Variants in LRIG3 observed in about 807,000 individuals in gnomAD.
LRIG3 encodes the protein leucine rich repeats and immunoglobulin like domains 3, also known as leucine-rich repeats and immunoglobulin-like domains protein 3.
Under a neutral mutation model 114.5 loss-of-function variants are expected in LRIG3, and 76 were observed. That is an observed-to-expected ratio of 0.66 (90% confidence interval 0.55 to 0.80). The LOEUF (loss-of-function observed/expected upper bound fraction) is 0.80. Among genes scored for constraint, LRIG3 ranks in the 30% least tolerant of loss-of-function variants. The pLI is 0.00. For missense variants in LRIG3, 1,239 were observed against 1,382.8 expected (o/e 0.90, Z 1.65); for synonymous variants, 512 against 519.8 (o/e 0.98, Z 0.20).
chr12:58,885,980 T>C lies in LRIG3; in HGVS notation c.1173-78A>G. ...GGAACTCTCATAAACAGAACTGCTTTTTAAATTATGTGTGAGCAATTCCAT... is the reference window on the plus strand; with the variant it reads ...GGAACTCTCATAAACAGAACTGCTTCTTAAATTATGTGTGAGCAATTCCAT... On this transcript the variant is annotated intron_variant, in intron 9 of 18. Transcript: ENST00000320743. The C allele has an allele frequency of 4.9e-6, 4 of 817,144 alleles. No individual in the cohort carries two copies. In the South Asian group the frequency reaches 6.7e-5, roughly 14 times the overall value. The allele number at this position is 817,144 out of a possible 1,614,324, so 50.6% of individuals were successfully genotyped here.
At chr12:58,914,413 T>TC in intron 1 of LRIG3, 77 bp from the exon 2 acceptor site, 2 of 1,089,934 alleles carry the variant, frequency 1.8e-6, no homozygotes, top group Non-Finnish European at 2.8e-6. Flanking sequence ...ATGAAGTATC[T>TC]CTATGAACAC....
chr12:58,887,640 T>C (rs1054589767), intron 8 of LRIG3, 149 bp downstream of exon 8: 33 of 787,112 alleles, frequency 4.2e-5, no homozygotes, highest in African/African-American at 1.5e-4. Context: ...AATGGATCCA[T>C]TGTAATCAAA....
chr12:58,902,923 T>C (rs1242895044), intron 3 of LRIG3, among the ~76,000 whole-genome samples: 1 of 152,182 alleles, frequency 6.6e-6, no homozygotes, highest in East Asian at 1.9e-4. Flanking sequence ...GGCTGCATAG[T>C]ATTCCATGGT....
At chr12:58,906,941 T>G (rs1202804889) in intron 3 of LRIG3, among the ~76,000 whole-genome samples, 2 of 151,334 alleles carry the variant, frequency 1.3e-5, no homozygotes, top group Admixed American at 6.6e-5. Context: ...AGTCATTTTA[T>G]TCCCCTGCTT....
At chr12:58,881,048 G>A in intron 12 of LRIG3, 147 bp from the exon 13 acceptor site, 1 of 688,086 alleles carries the variant, frequency 1.5e-6, no homozygotes, top group Admixed American at 2.8e-5. Flanking sequence ...CCGTCCCCAT[G>A]TTGAAATGAT....
chr12:58,914,199 C>T lies in LRIG3; in HGVS notation c.308+66G>A, dbSNP rs138566182. On this transcript the variant is annotated intron_variant, in intron 2 of 18. Coordinates refer to ENST00000320743, the MANE Select transcript of LRIG3 (RefSeq NM_153377.5). ...CTCACTATAATCCAAGTATTCCTTA[C>T]GGTTAAATAGTATAAGGGGTAACGT... 28 of 1,524,586 alleles carry T rather than the reference C, an allele frequency of 1.8e-5. No homozygotes were observed. The East Asian group carries it at 2.3e-4, about 12-fold the overall frequency. The allele number at this position is 1,524,586 out of a possible 1,614,324, so 94.4% of individuals were successfully genotyped here.
rs1208873082 is a variant in LRIG3, at chr12:58,879,242, T to C, written c.1802-137A>G. 5 of 1,038,006 alleles carry C rather than the reference T, an allele frequency of 4.8e-6. No individual in the cohort carries two copies. The Admixed American group carries it at 8.9e-5, about 19-fold the overall frequency. 64.3% of individuals were successfully genotyped at this position (1,038,006 alleles called of 1,614,324 possible). A position where few individuals can be genotyped will look rare whatever the true frequency, so the allele number is the denominator to read the frequency against. On this transcript the variant is annotated intron_variant, in intron 13 of 18. Coordinates refer to ENST00000320743, the MANE Select transcript of LRIG3 (RefSeq NM_153377.5). ...TAGATTGGGCAGGGGTTAATTCCAATTTCAAGTCAAGGAAACTAAAGTTGA... is the reference window on the plus strand; with the variant it reads ...TAGATTGGGCAGGGGTTAATTCCAACTTCAAGTCAAGGAAACTAAAGTTGA...
intron 3 of LRIG3, among the ~76,000 whole-genome samples, chr12:58,908,438 C>T (rs1872150798): frequency 6.6e-6 from 1 of 152,028 alleles, no homozygotes; most frequent in African/African-American, 2.4e-5. Flanking sequence ...GCCTGAACAC[C>T]AAAGTCACCC....
At chr12:58,895,824 T>C (rs1347131711) in intron 3 of LRIG3, among the ~76,000 whole-genome samples, 1 of 152,190 alleles carries the variant, frequency 6.6e-6, no homozygotes, top group African/African-American at 2.4e-5. Context: ...ACGAGCGACC[T>C]TGATGCCCAC....
intron 3 of LRIG3, among the ~76,000 whole-genome samples, chr12:58,907,646 G>A (rs540910860): frequency 1.6e-4 from 24 of 152,242 alleles, no homozygotes; most frequent in Admixed American, 8.5e-4. Flanking sequence ...GGAGAGAGAT[G>A]GGCAGACATC....
chr12:58,880,341 A>G, intron 13 of LRIG3: 1 of 652,536 alleles, frequency 1.5e-6, no homozygotes, highest in Non-Finnish European at 2.7e-6. Flanking sequence ...GAGCAAAAAC[A>G]TGTCTGGTTC....
chr12:58,876,038 C>A (rs1311550777), intron 16 of LRIG3, among the ~76,000 whole-genome samples: 2 of 152,056 alleles, frequency 1.3e-5, no homozygotes, highest in African/African-American at 4.8e-5. Flanking sequence ...GGTGACAGAG[C>A]GAGACTTCGT....
chr12:58,912,887 T>C (rs896613671), intron 3 of LRIG3, among the ~76,000 whole-genome samples: 2 of 152,256 alleles, frequency 1.3e-5, no homozygotes, highest in South Asian at 4.1e-4. Context: ...TTAAATACAG[T>C]GTTTATTTGT....
intron 11 of LRIG3, 132 bp downstream of exon 11, chr12:58,883,388 C>T: frequency 1.7e-6 from 1 of 580,612 alleles, no homozygotes; most frequent in Non-Finnish European, 2.8e-6. Flanking sequence ...TTTTCTGTTG[C>T]CTAGTATAAA....
chr12:58,883,240 G>A (rs1357708633), intron 11 of LRIG3, among the ~76,000 whole-genome samples: 1 of 152,228 alleles, frequency 6.6e-6, no homozygotes, highest in Non-Finnish European at 1.5e-5. Context: ...TGAGACAGAA[G>A]TGTTGATTTA....
chr12:58,900,307 T>C (rs1871798519), intron 3 of LRIG3, among the ~76,000 whole-genome samples: 2 of 151,890 alleles, frequency 1.3e-5, no homozygotes, highest in Middle Eastern at 3.2e-3. Context: ...TTTGATCAAC[T>C]TCACTATTTC....
chr12:58,878,342 A>G (rs1023787702), intron 14 of LRIG3, among the ~76,000 whole-genome samples: 8 of 152,218 alleles, frequency 5.3e-5, no homozygotes, highest in African/African-American at 1.7e-4. Context: ...TTTCAAAGAT[A>G]CGTGAATAAT....
At chr12:58,902,971 GT>G (rs1871918947) in intron 3 of LRIG3, among the ~76,000 whole-genome samples, 1 of 152,088 alleles carries the variant, frequency 6.6e-6, no homozygotes, top group Non-Finnish European at 1.5e-5. Context: ...GTCTATCATT[GT>G]TGGACACTTG....
chr12:58,903,985 G>A (rs1871968268), intron 3 of LRIG3, among the ~76,000 whole-genome samples: 1 of 151,760 alleles, frequency 6.6e-6, no homozygotes. Context: ...AGTATAGTTT[G>A]AAGTCAGGTA....
Sources: gnomAD v4.1 joint callset for allele counts (sites outside exome capture counted in the v4.1 genomes callset) on GRCh38, gnomAD v4.1.1 for gene constraint, MANE v1.5 for transcripts, NCBI Gene and HGNC (gene_info 2026-07-23, HGNC 2026-07-21) for gene names.